TUBA1C: variants seen among roughly 807,000 people sequenced by gnomAD.
TUBA1C encodes the protein tubulin alpha-1C chain.
In TUBA1C, 16 loss-of-function variants were observed where a neutral mutation model predicts 34.9. The ratio of observed to expected loss-of-function variants is 0.46; its 90% CI spans 0.31 to 0.70. The LOEUF (loss-of-function observed/expected upper bound fraction) is 0.70. Ranked by LOEUF, TUBA1C falls within the 30% of genes least tolerant of loss-of-function variation. TUBA1C has a pLI of 0.05. For missense variants in TUBA1C, 329 were observed against 587.3 expected (o/e 0.56, Z 4.55); for synonymous variants, 177 against 215.9 (o/e 0.82, Z 1.58).
intron 1 of TUBA1C, among the ~76,000 whole-genome samples, chr12:49,252,542 T>C (rs888762237): frequency 6.6e-6 from 1 of 152,064 alleles, no homozygotes; most frequent in Non-Finnish European, 1.5e-5. Flanking sequence ...TTGGGGGAAG[T>C]TGAGGGCAGT....
At chr12:49,264,971 C>T (rs1243440270), upstream of TUBA1C, 1 of 607,764 alleles carries the variant, frequency 1.6e-6, no homozygotes, top group Non-Finnish European at 2.4e-6. Context: ...GGGCGCAGGC[C>T]AGGGCTCGAA....
At chr12:49,260,012 T>C (rs1942826595) in intron 1 of TUBA1C, among the ~76,000 whole-genome samples, 1 of 152,236 alleles carries the variant, frequency 6.6e-6, no homozygotes, top group East Asian at 1.9e-4. Context: ...TACTTTGGGC[T>C]GCCTGAGTGC....
chr12:49,237,373 G>A lies in TUBA1C; in HGVS notation c.213+9207G>A, dbSNP rs559873367. Among the ~76,000 whole-genome samples the A allele has an allele frequency of 3.9e-4, 59 of 151,902 alleles. No homozygotes were observed. In the East Asian group the frequency reaches 8.9e-3, roughly 23 times the overall value. Reference sequence around the variant, plus strand: ...GCGGAGGTTGCGGTGAGCCGAGATCGTGCCATTGCCCTCCAGCCTGGGCAA... The same window carrying A: ...GCGGAGGTTGCGGTGAGCCGAGATCATGCCATTGCCCTCCAGCCTGGGCAA... On this transcript the variant is annotated intron_variant, in intron 1 of 3. Coordinates refer to the TUBA1C transcript ENST00000541364.
At chr12:49,242,481 G>GTTTTT (rs1382534100) in intron 1 of TUBA1C, among the ~76,000 whole-genome samples, 1 of 151,448 alleles carries the variant, frequency 6.6e-6, no homozygotes, top group African/African-American at 2.4e-5. Context: ...GTTTTGTTTT[G>GTTTTT]TGTTGAGATG....
At chr12:49,270,847 T>C (rs144218520) in intron 3 of TUBA1C, among the ~76,000 whole-genome samples, 354 of 152,022 alleles carry the variant, frequency 2.3e-3, no homozygotes, top group East Asian at 7.7e-3. Flanking sequence ...GGCGTGGTGG[T>C]GGGCGCCTGT....
intron 1 of TUBA1C, among the ~76,000 whole-genome samples, chr12:49,236,338 A>C (rs1942555053): frequency 6.6e-6 from 1 of 152,250 alleles, no homozygotes; most frequent in Non-Finnish European, 1.5e-5. Flanking sequence ...AGAAAGCAGA[A>C]TATTAGAGCA....
chr12:49,235,774 A>G (rs781197318), intron 1 of TUBA1C, among the ~76,000 whole-genome samples: 2 of 152,058 alleles, frequency 1.3e-5, no homozygotes, highest in African/African-American at 2.4e-5. Context: ...TTTAAAAAAT[A>G]AAAAGAGACC....
rs776713036 is a variant in TUBA1C, at chr12:49,265,193, G to T, written c.3+9G>T. The T allele has an allele frequency of 1.5e-5, 24 of 1,598,966 alleles. No individual in the cohort carries two copies. The Admixed American group carries it at 3.7e-4, about 25-fold the overall frequency. Reference sequence around the variant, plus strand: ...TTCAAGTTCTAGTCATGGTGAGTGGGGTTCCCTCGGGGCTGGGGAAGAGTG... The same window carrying T: ...TTCAAGTTCTAGTCATGGTGAGTGGTGTTCCCTCGGGGCTGGGGAAGAGTG... On this transcript the variant is annotated intron_variant, in intron 1 of 3. Coordinates refer to ENST00000301072, the MANE Select transcript of TUBA1C (RefSeq NM_032704.5).
chr12:49,239,231 A>T (rs1942587610), intron 1 of TUBA1C, among the ~76,000 whole-genome samples: 1 of 152,218 alleles, frequency 6.6e-6, no homozygotes, highest in South Asian at 2.1e-4. Context: ...AAAGGCCTTT[A>T]ACAAAAGATA....
At chr12:49,245,326 C>CA (rs1942655840) in intron 1 of TUBA1C, among the ~76,000 whole-genome samples, 1 of 152,148 alleles carries the variant, frequency 6.6e-6, no homozygotes, top group East Asian at 1.9e-4. Context: ...AACAGCCAGG[C>CA]ACGGTGGCTC....
chr12:49,247,852 G>A (rs1177140769), intron 1 of TUBA1C, among the ~76,000 whole-genome samples: 1 of 149,686 alleles, frequency 6.7e-6, no homozygotes, highest in Non-Finnish European at 1.5e-5. Context: ...GGAGGCTGAA[G>A]TAGGAGAATT....
At position 49,241,231 on chromosome 12, in the gene TUBA1C, A is replaced by G. The variant is rs576356271; in HGVS notation, c.213+13065A>G. Among the ~76,000 whole-genome samples the G allele has an allele frequency of 7.2e-5, 11 of 152,180 alleles. No homozygotes were observed. In the South Asian group the frequency reaches 1.0e-3, roughly 14 times the overall value. On this transcript the variant is annotated intron_variant, in intron 1 of 3. Coordinates refer to the TUBA1C transcript ENST00000541364. ...CTTAGCTCTTATAATACCATATATA[A>G]TATGATTTATCTGTGTCTTCCATAC...
Position 49,269,614 on chromosome 12 carries a change from C to A in TUBA1C, c.153C>A (p.Thr51=). ...GGGGAGGAGATGATTCCTTCAACAC[C>A]TTCTTCAGTGAAACGGGTGCTGGCA... ...TIGGGDDSFN[T]FFSETGAGKH... The change falls in exon 2 of 4, where the codon ACC becomes ACA. Residue 51 remains threonine, a synonymous_variant. Transcript: ENST00000301072. The A allele has an allele frequency of 6.2e-7, 1 of 1,614,184 alleles. No homozygotes were observed. The highest frequency in any genetic ancestry group is 8.5e-7 in the Non-Finnish European group (1 of 1,180,024).
chr12:49,248,268 C>T (rs1293510733), intron 1 of TUBA1C, among the ~76,000 whole-genome samples: 10 of 147,684 alleles, frequency 6.8e-5, no homozygotes, highest in African/African-American at 1.0e-4. Flanking sequence ...AGCAAGACTC[C>T]GTCTCAAAAG....
intron 1 of TUBA1C, among the ~76,000 whole-genome samples, chr12:49,259,658 C>G (rs911294816): frequency 1.2e-4 from 19 of 152,152 alleles, no homozygotes; most frequent in African/African-American, 4.6e-4. Context: ...AAGAAATTGC[C>G]TAGGATGCAT....
intron 3 of TUBA1C, among the ~76,000 whole-genome samples, chr12:49,271,251 G>A (rs1369894221): frequency 6.6e-6 from 1 of 152,178 alleles, no homozygotes; most frequent in African/African-American, 2.4e-5. Flanking sequence ...AGTAGAGAAT[G>A]TTCACAAATC....
chr12:49,252,765 T>C (rs992434193), intron 1 of TUBA1C, among the ~76,000 whole-genome samples: 2 of 151,990 alleles, frequency 1.3e-5, no homozygotes, highest in Admixed American at 1.3e-4. Flanking sequence ...TACAAAAGAT[T>C]AGCCAGGCAT....
chr12:49,239,584 C>T (rs891500363), intron 1 of TUBA1C, among the ~76,000 whole-genome samples: 1 of 150,662 alleles, frequency 6.6e-6, no homozygotes, highest in East Asian at 2.0e-4. Context: ...GAGGTCGCAG[C>T]GAACTGAGAT....
intron 1 of TUBA1C, among the ~76,000 whole-genome samples, chr12:49,250,244 G>A (rs1015349882): frequency 2.4e-4 from 37 of 151,724 alleles, no homozygotes; most frequent in Admixed American, 2.2e-3. Flanking sequence ...GAAGACACTG[G>A]CTGGGCGTGG....
Sources: gnomAD v4.1 joint callset for allele counts (sites outside exome capture counted in the v4.1 genomes callset) on GRCh38, gnomAD v4.1.1 for gene constraint, MANE v1.5 for transcripts, NCBI Gene and HGNC (gene_info 2026-07-23, HGNC 2026-07-21) for gene names.